The following CFAP61 variants were observed in gnomAD, a reference collection of about 807,000 sequenced individuals.
CFAP61 encodes the protein cilia and flagella associated protein 61.
A neutral mutation model predicts 135.6 loss-of-function variants in CFAP61; 107 were observed. The observed-to-expected ratio is 0.79, with a 90% CI of 0.67 to 0.93. The LOEUF (loss-of-function observed/expected upper bound fraction) is 0.93, where lower values mean the gene tolerates loss of function less well. CFAP61 is among the 40% of genes least tolerant of loss of function. The pLI is 0.00. For missense variants in CFAP61, 1,507 were observed against 1,556.2 expected (o/e 0.97, Z 0.53); for synonymous variants, 575 against 578.5 (o/e 0.99, Z 0.09).
rs1685179194 is a variant in CFAP61, at chr20:20,325,565, A to G, written c.3423-16266A>G. Among the ~76,000 whole-genome samples the G allele has an allele frequency of 2.0e-5, 3 of 152,330 alleles. No individual in the cohort carries two copies. In the South Asian group the frequency reaches 6.2e-4, roughly 32 times the overall value. On this transcript the variant is annotated intron_variant, in intron 25 of 26. Coordinates refer to ENST00000245957, the MANE Select transcript of CFAP61 (RefSeq NM_015585.4). ...TAAGGTTCCTCCATGTCTTTTTAGCACTGAATAATATTCCATTGTCTGGAT... is the reference window on the plus strand; with the variant it reads ...TAAGGTTCCTCCATGTCTTTTTAGCGCTGAATAATATTCCATTGTCTGGAT...
intron 8 of CFAP61, among the ~76,000 whole-genome samples, chr20:20,133,507 G>T (rs1416617361): frequency 1.3e-5 from 2 of 152,160 alleles, no homozygotes; most frequent in Admixed American, 6.6e-5. Flanking sequence ...GTCCAAGCAG[G>T]TCACATGATT....
chr20:20,172,757 T>A (rs2146829841), intron 13 of CFAP61, among the ~76,000 whole-genome samples: 1 of 152,348 alleles, frequency 6.6e-6, no homozygotes, highest in Non-Finnish European at 1.5e-5. Context: ...TTGGAACATT[T>A]GTTGTAATCA....
chr20:20,135,207 A>T (rs552946138), intron 8 of CFAP61, among the ~76,000 whole-genome samples: 22 of 152,280 alleles, frequency 1.4e-4, no homozygotes, highest in African/African-American at 4.8e-4. Context: ...CAAGGAACAG[A>T]TTCTCCCCTA....
At chr20:20,272,056 A>G (rs911053978) in intron 21 of CFAP61, among the ~76,000 whole-genome samples, 7 of 152,256 alleles carry the variant, frequency 4.6e-5, no homozygotes, top group Non-Finnish European at 1.5e-5. Context: ...AATTAAATTC[A>G]TCTTTAATAT....
intron 25 of CFAP61, among the ~76,000 whole-genome samples, chr20:20,324,258 A>G (rs888796838): frequency 6.6e-6 from 1 of 152,124 alleles, no homozygotes; most frequent in Non-Finnish European, 1.5e-5. Flanking sequence ...AAAAAAAATT[A>G]CCACCACCCA....
chr20:20,233,470 G>T (rs2049320522), intron 18 of CFAP61, among the ~76,000 whole-genome samples: 1 of 152,180 alleles, frequency 6.6e-6, no homozygotes. Context: ...CAAGCAGCAG[G>T]CAGCACGGAC....
intron 8 of CFAP61, among the ~76,000 whole-genome samples, chr20:20,130,873 C>T (rs2050468914): frequency 6.6e-6 from 1 of 151,820 alleles, no homozygotes; most frequent in Non-Finnish European, 1.5e-5. Context: ...AGTCCCACCT[C>T]CCCACTTTGT....
At chr20:20,263,814 C>A (rs1402932812) in intron 21 of CFAP61, among the ~76,000 whole-genome samples, 3 of 152,072 alleles carry the variant, frequency 2.0e-5, no homozygotes, top group Non-Finnish European at 4.4e-5. Flanking sequence ...CTTAGAGCAG[C>A]CCCTTTCTTT....
chr20:20,105,019 G>A (rs569065329), intron 8 of CFAP61, among the ~76,000 whole-genome samples: 6 of 152,104 alleles, frequency 3.9e-5, no homozygotes, highest in African/African-American at 1.4e-4. Context: ...ACGAGTTTTG[G>A]GGGTGGGAGG....
At chr20:20,077,721 C>T (rs1327114528) in intron 6 of CFAP61, among the ~76,000 whole-genome samples, 2 of 152,052 alleles carry the variant, frequency 1.3e-5, no homozygotes, top group East Asian at 1.9e-4. Flanking sequence ...AGGTCATAGG[C>T]GGATTCAAAG....
chr20:20,180,332 A>T (rs1360250915), intron 13 of CFAP61, among the ~76,000 whole-genome samples: 2 of 149,062 alleles, frequency 1.3e-5, no homozygotes, highest in African/African-American at 4.9e-5. Flanking sequence ...CTGTCTCAAA[A>T]AGAAAAAAAA....
At chr20:20,206,160 G>C (rs185027799) in intron 17 of CFAP61, among the ~76,000 whole-genome samples, 29 of 152,302 alleles carry the variant, frequency 1.9e-4, no homozygotes, top group African/African-American at 7.0e-4. Flanking sequence ...TCTTAGTGTT[G>C]TCAGGAATCG....
At chr20:20,058,169 A>G (rs2044523316) in intron 2 of CFAP61, among the ~76,000 whole-genome samples, 1 of 152,244 alleles carries the variant, frequency 6.6e-6, no homozygotes, top group South Asian at 2.1e-4. Context: ...TACCCCCCTG[A>G]TGAATGTAAT....
intron 8 of CFAP61, among the ~76,000 whole-genome samples, chr20:20,123,557 G>C (rs2049834789): frequency 6.6e-6 from 1 of 151,676 alleles, no homozygotes; most frequent in African/African-American, 2.4e-5. Flanking sequence ...TCAGTTGGCT[G>C]TATTTGGGTT....
At chr20:20,170,834 G>A (rs1472516555) in intron 13 of CFAP61, among the ~76,000 whole-genome samples, 7 of 152,190 alleles carry the variant, frequency 4.6e-5, no homozygotes, top group Non-Finnish European at 1.0e-4. Context: ...TAGCTAGGAT[G>A]GTGAGAAAAG....
chr20:20,266,537 A>G (rs1174174110), intron 21 of CFAP61, among the ~76,000 whole-genome samples: 1 of 152,216 alleles, frequency 6.6e-6, no homozygotes. Context: ...TACCTCCCAC[A>G]TGGTGAGTTT....
chr20:20,288,745 G>T lies in CFAP61; in HGVS notation c.2933G>T (p.Gly978Val). 1 of 1,614,146 alleles carries T rather than the reference G, an allele frequency of 6.2e-7. No individual in the cohort carries two copies. The change falls in exon 23 of 27, where the codon GGC becomes GTC. Residue 978 changes from glycine (G) to valine (V), a missense_variant. Gly to Val is a moderately radical substitution (Grantham distance 109, BLOSUM62 -3). Transcript: ENST00000245957. ...AACGACATAGCCATCAGAGCTGCTG[G>T]CTCCCTCACCAAATTCTCCAATAGA... is the stretch of plus-strand genomic sequence containing the variant. ...HTNDIAIRAA[G>V]SLTKFSNRYY...
chr20:20,078,389 G>A (rs938213380), intron 6 of CFAP61, among the ~76,000 whole-genome samples: 4 of 152,116 alleles, frequency 2.6e-5, no homozygotes, highest in Non-Finnish European at 4.4e-5. Flanking sequence ...AGAGAGTAGC[G>A]CTTGGCTACC....
intron 18 of CFAP61, among the ~76,000 whole-genome samples, chr20:20,240,826 G>A (rs2049969078): frequency 6.6e-6 from 1 of 152,098 alleles, no homozygotes; most frequent in African/African-American, 2.4e-5. Flanking sequence ...AGAAATGTGG[G>A]ACTTTCAGGA....
Sources: allele counts gnomAD v4.1 joint callset (sites outside exome capture counted in the v4.1 genomes callset), GRCh38; gene constraint gnomAD v4.1.1; transcripts MANE v1.5; gene names NCBI Gene and HGNC (gene_info 2026-07-23, HGNC 2026-07-21).